Variants in SORCS1 observed in about 807,000 individuals in gnomAD.
SORCS1 encodes the protein VPS10 domain-containing receptor SorCS1.
A neutral mutation model predicts 146.1 loss-of-function variants in SORCS1; 60 were observed. The observed-to-expected ratio is 0.41, with a 90% CI of 0.33 to 0.51. The LOEUF is 0.51. SORCS1 is among the 20% of genes least tolerant of loss of function. The pLI, the probability that SORCS1 is intolerant of heterozygous loss-of-function variation, is 0.21. For missense variants in SORCS1, 1,352 were observed against 1,487.6 expected (o/e 0.91, Z 1.50); for synonymous variants, 637 against 584.0 (o/e 1.09, Z -1.31).
chr10:106,840,660 T>C (rs1235204152), intron 2 of SORCS1, among the ~76,000 whole-genome samples: 1 of 151,966 alleles, frequency 6.6e-6, no homozygotes, highest in Non-Finnish European at 1.5e-5. Context: ...TATTGCATGC[T>C]ACAGAGAAAT....
intron 3 of SORCS1, among the ~76,000 whole-genome samples, chr10:106,828,788 C>T (rs1052712403): frequency 6.6e-6 from 1 of 152,062 alleles, no homozygotes; most frequent in African/African-American, 2.4e-5. Flanking sequence ...CATTTAAAAA[C>T]AATATTTTCT....
chr10:106,786,733 T>C (rs1378845283), intron 3 of SORCS1, among the ~76,000 whole-genome samples: 1 of 152,130 alleles, frequency 6.6e-6, no homozygotes, highest in Non-Finnish European at 1.5e-5. Context: ...ACCACAACTA[T>C]CTTCTGTAAA....
At chr10:107,180,643 T>A in the SORCS1 span, among the ~76,000 whole-genome samples, 1 of 152,214 alleles carries the variant, frequency 6.6e-6, no homozygotes, top group Admixed American at 6.5e-5. Context: ...GCTCTTATAA[T>A]TATCATTTGT....
chr10:106,704,237 T>G lies in SORCS1; in HGVS notation c.1233+2308A>C, dbSNP rs112308587. ...AATGCCCCTGACAGTATATGGAATT[T>G]TGATGGGGTGATGATGCTATGTTTT... On this transcript the variant is annotated intron_variant, in intron 8 of 25. Transcript: ENST00000263054. Among the ~76,000 whole-genome samples, 903 of 152,284 alleles carry G rather than the reference T, an allele frequency of 5.9e-3. 12 individuals are homozygous for G. The highest frequency in any genetic ancestry group is 0.02 in the African/African-American group (843 of 41,546).
At chr10:106,733,309 A>T (rs572726461) in intron 5 of SORCS1, among the ~76,000 whole-genome samples, 21 of 152,122 alleles carry the variant, frequency 1.4e-4, no homozygotes, top group Non-Finnish European at 2.9e-4. Context: ...AGTGTTTCCA[A>T]TGATTTTTAT....
intron 2 of SORCS1, among the ~76,000 whole-genome samples, chr10:106,941,594 T>C (rs932147272): frequency 6.6e-6 from 1 of 152,166 alleles, no homozygotes; most frequent in African/African-American, 2.4e-5. Context: ...TTATTGAGAA[T>C]TTTAGTAAGT....
In SORCS1 at chr10:106,665,695, T is replaced by C. The variant is rs555046265; in HGVS notation, c.2303+1994A>G. Among the ~76,000 whole-genome samples, 4 of 152,294 alleles carry C rather than the reference T, an allele frequency of 2.6e-5. No homozygotes were observed. The South Asian group carries it at 8.3e-4, about 32-fold the overall frequency. The stretch of plus-strand genomic sequence containing the variant: ...TCTCTAAAAAATAAGACTTATTTTT[T>C]TCTTAGCCTAACCAAAATGACTTTA... On this transcript the variant is annotated intron_variant, in intron 17 of 25. Coordinates refer to ENST00000263054, the MANE Select transcript of SORCS1 (RefSeq NM_052918.5).
intron 22 of SORCS1, among the ~76,000 whole-genome samples, chr10:106,608,845 G>C (rs770880132): frequency 1.3e-5 from 2 of 152,192 alleles, no homozygotes; most frequent in Non-Finnish European, 2.9e-5. Context: ...AACTTCAAGA[G>C]ACCCCGAGGG....
chr10:106,614,149 A>G (rs1847195427), intron 21 of SORCS1, among the ~76,000 whole-genome samples: 1 of 152,218 alleles, frequency 6.6e-6, no homozygotes. Context: ...GTAGGTTTTC[A>G]GTTACTATCT....
intron 1 of SORCS1, among the ~76,000 whole-genome samples, chr10:107,089,429 C>T (rs1287889825): frequency 1.3e-5 from 2 of 152,092 alleles, no homozygotes; most frequent in East Asian, 1.9e-4. Context: ...TTAAGTTATC[C>T]TAGACACATG....
chr10:107,044,371 C>T (rs1448297625), intron 1 of SORCS1, among the ~76,000 whole-genome samples: 1 of 151,848 alleles, frequency 6.6e-6, no homozygotes, highest in East Asian at 1.9e-4. Flanking sequence ...AACACACACA[C>T]ATGCTTTCCC....
intron 1 of SORCS1, among the ~76,000 whole-genome samples, chr10:107,066,351 T>C (rs1457446914): frequency 6.6e-6 from 1 of 152,236 alleles, no homozygotes; most frequent in Non-Finnish European, 1.5e-5. Context: ...TGTGAGTTGC[T>C]ACCATGTTCA....
chr10:107,115,388 T>TA (rs1295250303), intron 1 of SORCS1, among the ~76,000 whole-genome samples: 2 of 152,082 alleles, frequency 1.3e-5, no homozygotes, highest in African/African-American at 4.8e-5. Context: ...AACTGTACGG[T>TA]ATTGGCATAA....
At chr10:106,678,555 T>C (rs192526910) in intron 12 of SORCS1, among the ~76,000 whole-genome samples, 530 of 152,314 alleles carry the variant, frequency 3.5e-3, no homozygotes, top group Non-Finnish European at 5.4e-3. Context: ...TAATTAAACG[T>C]CAGTAGGTTA....
chr10:106,640,525 C>T (rs11192986), intron 18 of SORCS1, among the ~76,000 whole-genome samples: 33,663 of 152,182 alleles, frequency 0.22, 4,581 homozygotes, highest in East Asian at 0.52. Flanking sequence ...CTTACAGCTG[C>T]TTAAAACAGA....
intron 8 of SORCS1, among the ~76,000 whole-genome samples, chr10:106,702,698 G>C (rs760235410): frequency 4.6e-5 from 7 of 152,140 alleles, no homozygotes; most frequent in Admixed American, 1.3e-4. Context: ...TAATTGAAAA[G>C]TTTAAAATAT....
At chr10:107,169,495 A>G (rs1970113997), upstream of SORCS1, among the ~76,000 whole-genome samples, 1 of 152,220 alleles carries the variant, frequency 6.6e-6, no homozygotes, top group African/African-American at 2.4e-5. Context: ...AAGCCCTCTT[A>G]TCTTTAAAAA....
At chr10:106,595,397 G>C (rs1341969732) in intron 24 of SORCS1, among the ~76,000 whole-genome samples, 1 of 152,052 alleles carries the variant, frequency 6.6e-6, no homozygotes, top group African/African-American at 2.4e-5. Flanking sequence ...CTTTTTCAAG[G>C]AATGCTCTGA....
chr10:106,578,870 A>G, intron 25 of SORCS1: 1 of 1,388,912 alleles, frequency 7.2e-7, no homozygotes, highest in Non-Finnish European at 9.3e-7. Flanking sequence ...TTGCAAAAGG[A>G]GGAATAAACT....
Sources: gnomAD v4.1 joint callset for allele counts (sites outside exome capture counted in the v4.1 genomes callset) on GRCh38, gnomAD v4.1.1 for gene constraint, MANE v1.5 for transcripts, NCBI Gene and HGNC (gene_info 2026-07-23, HGNC 2026-07-21) for gene names.